The following ADAM18 variants were observed in gnomAD, a reference collection of about 807,000 sequenced individuals.
ADAM18 encodes disintegrin and metalloproteinase domain-containing protein 18.
In ADAM18, 117 loss-of-function variants were observed where a neutral mutation model predicts 94.4. The observed-to-expected ratio is 1.24, with a 90% CI of 1.07 to 1.45. The LOEUF is 1.45. ADAM18 is among the 40% of genes most tolerant of loss of function. The probability of loss-of-function intolerance (pLI) is 0.00; values close to 1 mark genes in which losing one functional copy is unlikely to be tolerated. For synonymous variants in ADAM18, 327 were observed against 291.6 expected (o/e 1.12, Z -1.24); for missense variants, 936 against 880.0 (o/e 1.06, Z -0.81).
chr8:39,663,718 A>G lies in ADAM18; in HGVS notation c.1231-77A>G, dbSNP rs947914954. 5.6e-6 allele frequency: 5 copies of G among 895,198 alleles called. No homozygotes were observed. The African/African-American group carries it at 8.5e-5, about 15-fold the overall frequency. 55.5% of individuals were successfully genotyped at this position (895,198 alleles called of 1,614,324 possible). A position where few individuals can be genotyped will look rare whatever the true frequency, so the allele number is the denominator to read the frequency against. On this transcript the variant is annotated intron_variant, in intron 12 of 19. Coordinates refer to ENST00000265707, the MANE Select transcript of ADAM18 (RefSeq NM_014237.3). ...ACAAGTTTGTACACAACAGAATATT[A>G]AATTGAAATTGAGATTAAGAAACAA...
At chr8:39,636,043 G>T (rs1820068181) in intron 7 of ADAM18, among the ~76,000 whole-genome samples, 1 of 141,442 alleles carries the variant, frequency 7.1e-6, no homozygotes. Context: ...GAGAGAGAGG[G>T]GGCCTCACTC....
At position 39,622,802 on chromosome 8, in the gene ADAM18, A is replaced by T. The variant is rs145492831; in HGVS notation, c.523-6572A>T. Reference sequence around the variant, plus strand: ...GAGATAAAAGATTTAGAGGAGTCATACACAACACACACTGATGTTTGTAAA... The same window carrying T: ...GAGATAAAAGATTTAGAGGAGTCATTCACAACACACACTGATGTTTGTAAA... On this transcript the variant is annotated intron_variant, in intron 6 of 19. Coordinates refer to ENST00000265707, the MANE Select transcript of ADAM18 (RefSeq NM_014237.3). Among the ~76,000 whole-genome samples, 223 of 152,304 alleles carry T rather than the reference A, an allele frequency of 1.5e-3. 1 individual carries two copies. Among genetic ancestry groups the T allele is most frequent in the Non-Finnish European group, 2.8e-3 (191 of 68,024 alleles).
intron 16 of ADAM18, among the ~76,000 whole-genome samples, chr8:39,683,890 A>G (rs989520693): frequency 1.3e-5 from 2 of 152,202 alleles, no homozygotes; most frequent in Non-Finnish European, 2.9e-5. Context: ...AACAAAAATC[A>G]CTTTGAAACA....
At chr8:39,718,503 T>C (rs775134039) in intron 18 of ADAM18, among the ~76,000 whole-genome samples, 7 of 151,532 alleles carry the variant, frequency 4.6e-5, no homozygotes, top group Admixed American at 1.3e-4. Flanking sequence ...GTACCTAATA[T>C]AGTCATATTC....
At chr8:39,618,561 A>T (rs1045567860) in intron 6 of ADAM18, among the ~76,000 whole-genome samples, 1 of 152,230 alleles carries the variant, frequency 6.6e-6, no homozygotes, top group Non-Finnish European at 1.5e-5. Context: ...TAACAGTTGC[A>T]GCAAAAGCTG....
intron 12 of ADAM18, among the ~76,000 whole-genome samples, chr8:39,650,966 A>C (rs139235024): frequency 6.6e-6 from 1 of 152,206 alleles, no homozygotes; most frequent in African/African-American, 2.4e-5. Context: ...GAGTTCCCTC[A>C]GTATTTATTG....
intron 2 of ADAM18, among the ~76,000 whole-genome samples, chr8:39,604,245 C>T (rs1415078717): frequency 2.0e-5 from 3 of 152,092 alleles, no homozygotes; most frequent in Admixed American, 1.3e-4. Flanking sequence ...AAAAAACATA[C>T]GAAGTGCTTC....
chr8:39,675,485 G>A (rs1821274905), intron 14 of ADAM18, among the ~76,000 whole-genome samples: 1 of 152,096 alleles, frequency 6.6e-6, no homozygotes, highest in Admixed American at 6.6e-5. Flanking sequence ...GGTCATTTAA[G>A]GTCCTCTCTA....
chr8:39,594,110 G>A (rs1818663639), intron 2 of ADAM18, among the ~76,000 whole-genome samples: 1 of 151,806 alleles, frequency 6.6e-6, no homozygotes, highest in Non-Finnish European at 1.5e-5. Flanking sequence ...TTTGCTGTGG[G>A]GTTGGTTCAA....
At position 39,609,131 on chromosome 8, in the gene ADAM18, A is replaced by G. The variant is rs377304995; in HGVS notation, c.267+11A>G. 22 of 1,518,708 alleles carry G rather than the reference A, an allele frequency of 1.4e-5. No homozygotes were observed. In the East Asian group the frequency reaches 2.0e-4, roughly 14 times the overall value. 94.1% of individuals were successfully genotyped at this position (1,518,708 alleles called of 1,614,324 possible). Reference sequence around the variant, plus strand: ...TCTCCATATTTTATGGTAAAGTAAGATACCTTATTTTTTTTGTTAAAGTGG... The same window carrying G: ...TCTCCATATTTTATGGTAAAGTAAGGTACCTTATTTTTTTTGTTAAAGTGG... On this transcript the variant is annotated intron_variant, in intron 4 of 19. Transcript: ENST00000265707.
At chr8:39,669,729 G>T (rs1416078869) in intron 14 of ADAM18, among the ~76,000 whole-genome samples, 1 of 151,974 alleles carries the variant, frequency 6.6e-6, no homozygotes, top group African/African-American at 2.4e-5. Flanking sequence ...GGACATTTAG[G>T]TTGGTTCCAA....
In ADAM18 at chr8:39,723,875, A is replaced by G. The variant is rs373387407; in HGVS notation, c.2145A>G (p.Lys715=). The G allele has an allele frequency of 1.4e-5, 22 of 1,562,428 alleles. No individual in the cohort carries two copies. The African/African-American group carries it at 2.5e-4, about 18-fold the overall frequency. Residue 715 remains lysine, a synonymous_variant, in exon 19 of 20, where the codon AAA becomes AAG. Transcript: ENST00000265707. ...TCTTTAAAAGAAATGAAATAAGTAA[A>G]TCATGTAACAGAGAGAATGCAGAGT... ...TVIFKRNEIS[K]SCNRENAEYN... is the part of the protein sequence containing the mutation.
chr8:39,691,964 A>T (rs1821795499), intron 16 of ADAM18, among the ~76,000 whole-genome samples: 2 of 151,896 alleles, frequency 1.3e-5, no homozygotes. Flanking sequence ...GTTGTGAACG[A>T]CTTAAACAGA....
At chr8:39,719,217 C>G (rs563959597) in intron 18 of ADAM18, among the ~76,000 whole-genome samples, 1 of 151,166 alleles carries the variant, frequency 6.6e-6, no homozygotes, top group Non-Finnish European at 1.5e-5. Context: ...AATAAATGTT[C>G]AAAGCAATAC....
chr8:39,701,674 G>T (rs113657766), intron 17 of ADAM18, among the ~76,000 whole-genome samples: 1 of 152,142 alleles, frequency 6.6e-6, no homozygotes, highest in Non-Finnish European at 1.5e-5. Flanking sequence ...ACTGTGTGTT[G>T]TTCCCCTCTA....
At chr8:39,699,101 T>C (rs906719699) in intron 17 of ADAM18, among the ~76,000 whole-genome samples, 1 of 152,234 alleles carries the variant, frequency 6.6e-6, no homozygotes, top group African/African-American at 2.4e-5. Flanking sequence ...CCCTGATTAC[T>C]GTCAAGCTGG....
chr8:39,651,628 G>C (rs1820540894), intron 12 of ADAM18, among the ~76,000 whole-genome samples: 1 of 81,520 alleles, frequency 1.2e-5, no homozygotes, highest in Non-Finnish European at 3.6e-5. Context: ...GCACAGGGTT[G>C]GGGGTAGGGT....
At chr8:39,610,254 G>T (rs1380939864) in intron 5 of ADAM18, among the ~76,000 whole-genome samples, 2 of 152,058 alleles carry the variant, frequency 1.3e-5, no homozygotes, top group African/African-American at 2.4e-5. Context: ...AAATATATTT[G>T]TTTGTGGCAA....
chr8:39,654,516 G>C (rs1442544017), intron 12 of ADAM18, among the ~76,000 whole-genome samples: 5 of 152,090 alleles, frequency 3.3e-5, no homozygotes, highest in Admixed American at 2.6e-4. Flanking sequence ...GAGAGTGCAG[G>C]TATCTTTTGA....
Sources: gnomAD v4.1 joint callset for allele counts (sites outside exome capture counted in the v4.1 genomes callset) on GRCh38, gnomAD v4.1.1 for gene constraint, MANE v1.5 for transcripts, NCBI Gene and HGNC (gene_info 2026-07-23, HGNC 2026-07-21) for gene names.